Variants in HGFAC observed in about 807,000 individuals in gnomAD.
HGFAC encodes hepatocyte growth factor activator serine protease.
Under a neutral mutation model 70.6 loss-of-function variants are expected in HGFAC, and 76 were observed. That is an observed-to-expected ratio of 1.08 (90% confidence interval 0.89 to 1.30). The LOEUF is 1.30. Ranked by LOEUF, HGFAC falls within the 50% of genes most tolerant of loss-of-function variation. The pLI, the probability that HGFAC is intolerant of heterozygous loss-of-function variation, is 0.00. For synonymous variants in HGFAC, 464 were observed against 405.3 expected (o/e 1.14, Z -1.74); for missense variants, 1,044 against 933.7 (o/e 1.12, Z -1.54).
At chr4:3,446,869 T>C (rs1009282191) in intron 10 of HGFAC, among the ~76,000 whole-genome samples, 1 of 152,162 alleles carries the variant, frequency 6.6e-6, no homozygotes, top group African/African-American at 2.4e-5. Flanking sequence ...CAGCCGAGGG[T>C]CTGGCGGCCT....
chr4:3,445,186 G>A (rs1041683303), intron 8 of HGFAC, 79 bp from the exon 9 acceptor site: 1 of 1,366,748 alleles, frequency 7.3e-7, no homozygotes, highest in Non-Finnish European at 1.0e-6. Context: ...CCGCCCTGCT[G>A]GGGGTTCCGA....
Position 3,449,424 on chromosome 4 carries a change from C to G in HGFAC, c.*5C>G. 6.5e-7 allele frequency: 1 copy of G among 1,528,184 alleles called. No individual in the cohort carries two copies. The highest frequency in any genetic ancestry group is 8.8e-7 in the Non-Finnish European group (1 of 1,135,560). 94.7% of individuals were successfully genotyped at this position (1,528,184 alleles called of 1,614,324 possible). On this transcript the variant is annotated 3_prime_UTR_variant, in exon 14 of 14. Coordinates refer to ENST00000382774, the MANE Select transcript of HGFAC (RefSeq NM_001528.4). ...CGGCTTGTGGCTCCCTCCTGACCCT[C>G]CAGCGGGACACCCTGGTTCCCACCA...
intron 13 of HGFAC, 83 bp downstream of exon 13, chr4:3,448,359 G>C (rs951849356): frequency 6.7e-7 from 1 of 1,501,812 alleles, no homozygotes; most frequent in African/African-American, 1.4e-5. Flanking sequence ...CCCCTGGGGA[G>C]CCCAGAGCCT....
upstream of HGFAC, chr4:3,441,916 T>G: frequency 1.4e-6 from 1 of 727,978 alleles, no homozygotes; most frequent in South Asian, 2.4e-5. This position sits in a 1 kb window ranked among gnomAD's most constrained non-coding sequence, Gnocchi z 6.0. Flanking sequence ...GCAGCCAGGG[T>G]TAATCATTTC....
chr4:3,444,797 C>T (rs1340903609), intron 7 of HGFAC, 22 bp from the exon 8 acceptor site: 1 of 1,583,286 alleles, frequency 6.3e-7, no homozygotes, highest in Non-Finnish European at 8.6e-7. Flanking sequence ...GTGGGCCGGC[C>T]TCACTGCCCC....
chr4:3,443,784 G>A (rs1211308112), intron 4 of HGFAC, among the ~76,000 whole-genome samples: 3 of 152,092 alleles, frequency 2.0e-5, no homozygotes, highest in Non-Finnish European at 2.9e-5. Flanking sequence ...CTGCCTGACA[G>A]TGTGGGTGTC....
In HGFAC at chr4:3,444,350, G is replaced by A. The variant is rs1725417456; in HGVS notation, c.638G>A (p.Gly213Glu). 5.0e-6 allele frequency: 8 copies of A among 1,599,202 alleles called. No homozygotes were observed. The highest frequency in any genetic ancestry group is 1.1e-5 in the South Asian group (1 of 88,694). The stretch of plus-strand genomic sequence containing the variant: ...GAGACCCGCTACGAGTACCTGGAGG[G>A]GGGCGACCGCTGGGCCCGCGTGCGC... ...FDETRYEYLE[G>E]GDRWARVRQG... The change falls in exon 6 of 14, where the codon GGG becomes GAG. Residue 213 changes from glycine (G) to glutamate (E), a missense_variant. By Grantham distance (98) the Gly-to-Glu change is moderately conservative (BLOSUM62 -2). Coordinates refer to ENST00000382774, the MANE Select transcript of HGFAC (RefSeq NM_001528.4).
intron 4 of HGFAC, among the ~76,000 whole-genome samples, chr4:3,443,729 A>T (rs1172837855): frequency 6.6e-6 from 1 of 152,038 alleles, no homozygotes; most frequent in Non-Finnish European, 1.5e-5. Flanking sequence ...GTGCGGTGCC[A>T]GCCGCCCTGC....
At position 3,446,105 on chromosome 4, in the gene HGFAC, C is replaced by T. The variant is rs369524018; in HGVS notation, c.1166C>T (p.Pro389Leu). ...LLATLPEPAS[P>L]GRQACGRRHK... ...GCGACCCTGCCTGAGCCAGCCTCCC[C>T]GGGGCGCCAGGCCTGCGGCAGGAGG... Residue 389 changes from proline to leucine, a missense_variant, in exon 10 of 14, where the codon CCG becomes CTG. Transcript: ENST00000382774. 19 of 1,610,430 alleles carry T rather than the reference C, an allele frequency of 1.2e-5. No homozygotes were observed. Among genetic ancestry groups the T allele is most frequent in the Admixed American group, 6.7e-5 (4 of 59,800 alleles).
chr4:3,442,782 C>T lies in HGFAC; in HGVS notation c.168C>T (p.Pro56=), dbSNP rs922344804. 3 of 1,565,930 alleles carry T rather than the reference C, an allele frequency of 1.9e-6. No individual in the cohort carries two copies. The highest frequency in any genetic ancestry group is 2.6e-6 in the Non-Finnish European group (3 of 1,159,620). ...EPNATATPAI[P]TILVTSVTSE... ...ATGCCACAGCGACCCCTGCGATCCC[C>T]ACTATCCTGGTGACCTCTGTGACCT... Residue 56 remains proline (P), a synonymous_variant, in exon 2 of 14, where the codon CCC becomes CCT. Transcript: ENST00000382774.
intron 9 of HGFAC, chr4:3,445,817 G>A: frequency 6.8e-7 from 1 of 1,481,010 alleles, no homozygotes; most frequent in African/African-American, 1.4e-5. Flanking sequence ...GCCTCCGTGT[G>A]TCCAGCCCCT....
chr4:3,449,326 C>A lies in HGFAC; in HGVS notation c.1875C>A (p.Leu625=), dbSNP rs761836871. The A allele has an allele frequency of 6.2e-7, 1 of 1,612,092 alleles. No individual in the cohort carries two copies. Among genetic ancestry groups the A allele is most frequent in the Non-Finnish European group, 8.5e-7 (1 of 1,179,520 alleles). Residue 625 remains leucine, a synonymous_variant, in exon 14 of 14, where the codon CTC becomes CTA. Transcript: ENST00000382774. ...GCTGGGGTGACGGCTGCGGGCGGCT[C>A]CACAAGCCGGGGGTCTACACCCGCG... ...IISWGDGCGR[L]HKPGVYTRVA...
At position 3,442,106 on chromosome 4, in the gene HGFAC, C is replaced by G. The variant is rs771842330; in HGVS notation, c.105C>G (p.Pro35=). ...LLLLLPRGFQ[P]QPGGNRTESP... Reference sequence around the variant, plus strand: ...TGCTGCTGCCACGGGGGTTCCAGCCCCAGCCTGGCGGGGTGAGCACTGACC... The same window carrying G: ...TGCTGCTGCCACGGGGGTTCCAGCCGCAGCCTGGCGGGGTGAGCACTGACC... Residue 35 remains proline (P), a synonymous_variant, in exon 1 of 14, where the codon CCC becomes CCG. Transcript: ENST00000382774. 1.9e-6 allele frequency: 3 copies of G among 1,560,790 alleles called. No individual in the cohort carries two copies. The East Asian group carries it at 7.3e-5, about 38-fold the overall frequency.
At chr4:3,444,776 G>T (rs767610739) in intron 7 of HGFAC, 43 bp downstream of exon 7, 2 of 1,578,862 alleles carry the variant, frequency 1.3e-6, no homozygotes, top group Non-Finnish European at 1.7e-6. Flanking sequence ...GCAGTGCCGG[G>T]TGGACCCACC....
intron 1 of HGFAC, 144 bp from the exon 2 acceptor site, chr4:3,442,588 C>T: frequency 1.8e-6 from 1 of 550,582 alleles, no homozygotes; most frequent in Non-Finnish European, 3.1e-6. Flanking sequence ...GCTGAGGCCT[C>T]AGGAATGTCG....
In HGFAC at chr4:3,448,848, T is replaced by C. The variant is rs1227492496; in HGVS notation, c.1786-389T>C. ...TGGTAGAGTGGGTAGGGCTTGTCAC[T>C]GGACCTCGATAAGGGAAGTCAGGAT... On this transcript the variant is annotated intron_variant, in intron 13 of 13. Transcript: ENST00000382774. Among the ~76,000 whole-genome samples, 5 of 152,182 alleles carry C rather than the reference T, an allele frequency of 3.3e-5. No homozygotes were observed. In the East Asian group the frequency reaches 9.7e-4, roughly 29 times the overall value.
At chr4:3,443,857 G>A (rs535856376) in intron 4 of HGFAC, among the ~76,000 whole-genome samples, 182 bp from the exon 5 acceptor site, 1 of 152,174 alleles carries the variant, frequency 6.6e-6, no homozygotes, top group African/African-American at 2.4e-5. Flanking sequence ...GGGGGACGCT[G>A]GGAGGAAGGG....
rs750582943 is a variant in HGFAC, at chr4:3,449,273, G to A, written c.1822G>A (p.Gly608Ser). The change falls in exon 14 of 14, where the codon GGC becomes AGC. Residue 608 changes from glycine to serine, a missense_variant. By Grantham distance (56) the Gly-to-Ser change is moderately conservative. Coordinates refer to ENST00000382774, the MANE Select transcript of HGFAC (RefSeq NM_001528.4). Reference protein sequence around the residue: ...SGGPLACEKNGVAYLYGIISW... With the variant: ...SGGPLACEKNSVAYLYGIISW... ...GGGGCCCCTGGCCTGCGAGAAGAAC[G>A]GCGTGGCTTACCTCTACGGCATCAT... 22 of 1,612,368 alleles carry A rather than the reference G, an allele frequency of 1.4e-5. No individual in the cohort carries two copies. Among genetic ancestry groups the A allele is most frequent in the South Asian group, 9.9e-5 (9 of 91,074 alleles).
In HGFAC at chr4:3,444,370, G is replaced by T; in HGVS notation, c.658G>T (p.Val220Leu). 6.2e-7 allele frequency: 1 copy of T among 1,602,608 alleles called. No individual in the cohort carries two copies. Among genetic ancestry groups the T allele is most frequent in the Non-Finnish European group, 8.5e-7 (1 of 1,175,858 alleles). ...YLEGGDRWARVRQGHVEQCEC... is the reference protein window; with the variant it reads ...YLEGGDRWARLRQGHVEQCEC... ...GGAGGGGGGCGACCGCTGGGCCCGC[G>T]TGCGCCAGGGCCACGTGGAACAGTG... The change falls in exon 6 of 14, where the codon GTG (valine) becomes TTG (leucine). Residue 220 changes from valine (V) to leucine (L), a missense_variant. Transcript: ENST00000382774.
Sources: allele counts gnomAD v4.1 joint callset (sites outside exome capture counted in the v4.1 genomes callset), GRCh38; gene constraint gnomAD v4.1.1; non-coding constraint Gnocchi (gnomAD v3.1); transcripts MANE v1.5; gene names NCBI Gene and HGNC (gene_info 2026-07-23, HGNC 2026-07-21).